Variants in ROBO2 observed in about 807,000 individuals in gnomAD.
ROBO2 encodes the protein roundabout guidance receptor 2.
Under a neutral mutation model 160.8 loss-of-function variants are expected in ROBO2, and 53 were observed. That is an observed-to-expected ratio of 0.33 (90% CI 0.26 to 0.41). ROBO2 has a LOEUF of 0.41. Among genes scored for constraint, ROBO2 ranks in the 10% least tolerant of loss-of-function variants. The probability of loss-of-function intolerance (pLI) is 1.00; values close to 1 mark genes in which losing one functional copy is unlikely to be tolerated. For synonymous variants in ROBO2, 664 were observed against 611.7 expected (o/e 1.09, Z -1.26); for missense variants, 1,577 against 1,722.4 (o/e 0.92, Z 1.49).
At chr3:76,473,188 G>T (rs1325365872) in intron 2 of ROBO2, among the ~76,000 whole-genome samples, 3 of 152,016 alleles carry the variant, frequency 2.0e-5, no homozygotes, top group Non-Finnish European at 4.4e-5. Context: ...TTGAGTTGTT[G>T]TTTTCTTCTA....
intron 2 of ROBO2, among the ~76,000 whole-genome samples, chr3:76,000,619 G>T (rs965928788): frequency 1.8e-4 from 27 of 151,492 alleles, no homozygotes; most frequent in Admixed American, 5.9e-4. Flanking sequence ...CTCCCGAGTA[G>T]CTGGGACTAC....
chr3:77,295,683 A>T (rs1309342569), intron 2 of ROBO2, among the ~76,000 whole-genome samples: 1 of 151,512 alleles, frequency 6.6e-6, no homozygotes, highest in African/African-American at 2.4e-5. Context: ...ATTGATGGTT[A>T]AACGGGAAGT....
In ROBO2 at chr3:76,912,565, G is replaced by T. The variant is rs369957160; in HGVS notation, c.110-185449G>T. Among the ~76,000 whole-genome samples, 18 of 152,170 alleles carry T rather than the reference G, an allele frequency of 1.2e-4. No homozygotes were observed. In the East Asian group the frequency reaches 3.3e-3, roughly 28 times the overall value. On this transcript the variant is annotated intron_variant, in intron 2 of 26. Transcript: ENST00000487694. ...TCAGTAGCCAATTAATTTCTTAGATGTTCTTACAATTTTTAATCGATAACA... is the reference window on the plus strand; with the variant it reads ...TCAGTAGCCAATTAATTTCTTAGATTTTCTTACAATTTTTAATCGATAACA...
intron 2 of ROBO2, among the ~76,000 whole-genome samples, chr3:76,390,599 T>G (rs3913581): frequency 0.3 from 46,108 of 152,094 alleles, 8,786 homozygotes; most frequent in Non-Finnish European, 0.41. Flanking sequence ...GTTAAGTAGT[T>G]GGACCTGTAC....
chr3:76,471,015 T>A (rs369233994), intron 2 of ROBO2, among the ~76,000 whole-genome samples: 3,406 of 152,218 alleles, frequency 0.022, 119 homozygotes, highest in African/African-American at 0.076. Flanking sequence ...GTTTTTTATT[T>A]GCTAGGTTTT....
chr3:76,952,664 A>G (rs967553200), intron 2 of ROBO2, among the ~76,000 whole-genome samples: 1 of 151,960 alleles, frequency 6.6e-6, no homozygotes, highest in Non-Finnish European at 1.5e-5. Context: ...ATTTTCATCT[A>G]TATAGTTAGT....
rs183127650 is a variant in ROBO2 at position 76,474,330 on chromosome 3, C to T, written c.109+536728C>T. 6.8e-4 allele frequency among the ~76,000 whole-genome samples: 104 copies of T among 152,054 alleles called. 1 individual carries two copies. The highest frequency in any genetic ancestry group is 1.3e-3 in the Non-Finnish European group (87 of 67,962). ...TAGTTAAATGATACATTATTATATACCAGTATTTAGGTTATAATTTCCATG... is the reference window on the plus strand; with the variant it reads ...TAGTTAAATGATACATTATTATATATCAGTATTTAGGTTATAATTTCCATG... On this transcript the variant is annotated intron_variant, in intron 2 of 26. Coordinates refer to the ROBO2 transcript ENST00000487694.
intron 2 of ROBO2, among the ~76,000 whole-genome samples, chr3:77,129,209 C>G (rs1377383907): frequency 6.6e-6 from 1 of 151,526 alleles, no homozygotes; most frequent in Non-Finnish European, 1.5e-5. Context: ...GTTTACTTGT[C>G]AAGTAAAACT....
chr3:76,134,609 C>G (rs1172271343), intron 2 of ROBO2, among the ~76,000 whole-genome samples: 1 of 151,944 alleles, frequency 6.6e-6, no homozygotes. Flanking sequence ...ATGGAATGGC[C>G]TGAGCTTGGA....
At position 76,929,452 on chromosome 3, in the gene ROBO2, A is replaced by T. The variant is rs139376306; in HGVS notation, c.110-168562A>T. 2.0e-5 allele frequency among the ~76,000 whole-genome samples: 3 copies of T among 152,280 alleles called. No homozygotes were observed. In the East Asian group the frequency reaches 5.8e-4, roughly 29 times the overall value. The stretch of plus-strand genomic sequence containing the variant: ...TCCTGTGACACTATCTTCAAAGTAT[A>T]TCCAGACTGCAACACTTCACACAAC... On this transcript the variant is annotated intron_variant, in intron 2 of 26. Transcript: ENST00000487694.
At chr3:76,544,096 A>G (rs1269097522) in intron 2 of ROBO2, among the ~76,000 whole-genome samples, 39 of 152,052 alleles carry the variant, frequency 2.6e-4, no homozygotes, top group Non-Finnish European at 5.9e-5. Flanking sequence ...TCACCCATCT[A>G]TAGATACAAT....
rs568035587 is a variant in ROBO2 at position 76,468,685 on chromosome 3, G to A, written c.109+531083G>A. ...TTGTGTAGATAACACCCTCCTCCCT[G>A]AAAACCTCTTCCCTTTATTGATAGC... On this transcript the variant is annotated intron_variant, in intron 2 of 26. Coordinates refer to the ROBO2 transcript ENST00000487694. 5.3e-5 allele frequency among the ~76,000 whole-genome samples: 8 copies of A among 151,792 alleles called. 2 individuals carry two copies. The South Asian group carries it at 1.7e-3, about 32-fold the overall frequency.
chr3:76,351,062 T>G (rs2074842410), intron 2 of ROBO2, among the ~76,000 whole-genome samples: 1 of 151,938 alleles, frequency 6.6e-6, no homozygotes. Context: ...TGTTTTTAAG[T>G]TAATTTTTAC....
chr3:76,418,937 T>C (rs2075872397), intron 2 of ROBO2, among the ~76,000 whole-genome samples: 1 of 152,218 alleles, frequency 6.6e-6, no homozygotes, highest in Admixed American at 6.5e-5. Flanking sequence ...GTTCATGCAG[T>C]ACAATCTTCT....
At chr3:76,856,465 A>G (rs1227415783) in intron 2 of ROBO2, among the ~76,000 whole-genome samples, 1 of 152,224 alleles carries the variant, frequency 6.6e-6, no homozygotes, top group Non-Finnish European at 1.5e-5. Flanking sequence ...CTCATTTAGC[A>G]AAAATTCTGA....
rs769709507 is a variant in ROBO2, at chr3:77,277,177, T to TTTC, written c.388+178840_388+178842dup. On this transcript the variant is annotated intron_variant, in intron 2 of 25. Coordinates refer to ENST00000461745, the Ensembl canonical transcript of ROBO2. ...CTTTCCTTCTTTCTTTCTTTCTTTC[T>TTTC]TTCTTTCTTTCTTTCTTTCTTTCTT... 4.8e-3 allele frequency among the ~76,000 whole-genome samples: 496 copies of TTTC among 102,504 alleles called. 3 individuals are homozygous for TTTC. The highest frequency in any genetic ancestry group is 0.026 in the Middle Eastern group (5 of 196). The allele number at this position is 102,504 out of a possible 152,430, so 67.2% of individuals were successfully genotyped here.
chr3:76,179,914 G>C (rs1482970312), intron 2 of ROBO2, among the ~76,000 whole-genome samples: 1 of 152,064 alleles, frequency 6.6e-6, no homozygotes, highest in African/African-American at 2.4e-5. Flanking sequence ...TTAAGGACAG[G>C]GTCTGAGTCT....
chr3:76,367,796 AG>A (rs1211001307), intron 2 of ROBO2, among the ~76,000 whole-genome samples: 2 of 151,928 alleles, frequency 1.3e-5, no homozygotes, highest in Non-Finnish European at 2.9e-5. Flanking sequence ...AGATGTAACC[AG>A]GTTTCGTGAT....
At chr3:76,739,541 T>TAGTG (rs375527075) in intron 2 of ROBO2, among the ~76,000 whole-genome samples, 2,581 of 151,558 alleles carry the variant, frequency 0.017, 66 homozygotes, top group African/African-American at 0.055. Flanking sequence ...GATGACGAGT[T>TAGTG]GGTGCAGCAC....
Sources: allele counts gnomAD v4.1 joint callset (sites outside exome capture counted in the v4.1 genomes callset), GRCh38; gene constraint gnomAD v4.1.1; transcripts MANE v1.5; gene names NCBI Gene and HGNC (gene_info 2026-07-23, HGNC 2026-07-21).